Variants in FAM81A observed in about 807,000 individuals in gnomAD.
FAM81A encodes family with sequence similarity 81 member A.
FAM81A carries 19 observed loss-of-function variants against 46.7 expected under a neutral mutation model. The ratio of observed to expected loss-of-function variants is 0.41; its 90% CI spans 0.28 to 0.60. The LOEUF is 0.60. FAM81A is among the 20% of genes least tolerant of loss of function. The pLI, the probability that FAM81A is intolerant of heterozygous loss-of-function variation, is 0.34. For synonymous variants in FAM81A, 183 were observed against 152.9 expected, an observed-to-expected ratio of 1.20 and a Z score of -1.45; for missense variants, 377 against 453.5, an observed-to-expected ratio of 0.83 and a Z score of 1.53.
At chr15:59,471,223 T>C (rs1466264271) in intron 3 of FAM81A, among the ~76,000 whole-genome samples, 1 of 152,236 alleles carries the variant, frequency 6.6e-6, no homozygotes, top group Non-Finnish European at 1.5e-5. Context: ...TATTGAAATA[T>C]CCAACTCTTA....
upstream of FAM81A, among the ~76,000 whole-genome samples, chr15:59,435,211 C>T (rs899117164): frequency 9.2e-5 from 14 of 152,072 alleles, no homozygotes; most frequent in Admixed American, 2.0e-4. Context: ...TGCTTGAACC[C>T]GGGAGGCAGA....
intron 3 of FAM81A, among the ~76,000 whole-genome samples, chr15:59,482,654 G>A (rs559262013): frequency 2.6e-4 from 40 of 152,170 alleles, no homozygotes; most frequent in Non-Finnish European, 3.8e-4. Context: ...ATTTGCATGC[G>A]TAACAAGCCA....
chr15:59,413,452 ACACACACAC>A (rs2141541809), intron 2 of FAM81A, among the ~76,000 whole-genome samples: 1 of 150,772 alleles, frequency 6.6e-6, no homozygotes, highest in African/African-American at 2.5e-5. Context: ...ACACACACAC[ACACACACAC>A]AACCACCCAC....
At chr15:59,498,288 T>A (rs2082055348) in intron 4 of FAM81A, among the ~76,000 whole-genome samples, 2 of 152,246 alleles carry the variant, frequency 1.3e-5, no homozygotes, top group African/African-American at 4.8e-5. Context: ...AGTATTTTAT[T>A]CTTTTTGATG....
chr15:59,404,996 C>T (rs1437880701), intron 2 of FAM81A, among the ~76,000 whole-genome samples: 1 of 152,204 alleles, frequency 6.6e-6, no homozygotes, highest in African/African-American at 2.4e-5. Flanking sequence ...ACAGAGCTGA[C>T]ACCAAACCCA....
chr15:59,466,600 A>G (rs1275343597), intron 3 of FAM81A, among the ~76,000 whole-genome samples: 7 of 151,216 alleles, frequency 4.6e-5, no homozygotes, highest in East Asian at 1.9e-4. Flanking sequence ...TAGATTCTGG[A>G]TGTTAGCCCT....
At chr15:59,452,089 T>A (rs1291680567) in intron 1 of FAM81A, among the ~76,000 whole-genome samples, 1 of 152,208 alleles carries the variant, frequency 6.6e-6, no homozygotes. Context: ...CTTGGATCAT[T>A]TTTGTGGATC....
At chr15:59,400,258 A>G (rs555237844) in intron 1 of FAM81A, among the ~76,000 whole-genome samples, 1 of 147,892 alleles carries the variant, frequency 6.8e-6, no homozygotes, top group Non-Finnish European at 1.5e-5. Flanking sequence ...CGAGAAAGTC[A>G]GGAGTCAGCC....
intron 1 of FAM81A, among the ~76,000 whole-genome samples, chr15:59,440,414 C>T (rs1316496049): frequency 1.3e-5 from 2 of 152,134 alleles, no homozygotes; most frequent in African/African-American, 4.8e-5. Context: ...GTGGGGATCT[C>T]TTCACTTGAT....
At chr15:59,407,797 G>T in intron 2 of FAM81A, 1 of 244,796 alleles carries the variant, frequency 4.1e-6, no homozygotes, top group African/African-American at 2.3e-5. Context: ...TTTCTTCTCA[G>T]TCCAGGCCAG....
At chr15:59,434,789 A>C (rs1316075337), upstream of FAM81A, among the ~76,000 whole-genome samples, 1 of 152,236 alleles carries the variant, frequency 6.6e-6, no homozygotes, top group East Asian at 1.9e-4. Context: ...CTAACTCTTT[A>C]TCCATCTGAA....
intron 2 of FAM81A, among the ~76,000 whole-genome samples, chr15:59,425,445 CT>C (rs1328621174): frequency 6.6e-6 from 1 of 152,154 alleles, no homozygotes; most frequent in Admixed American, 6.5e-5. Flanking sequence ...AAAAAGGCCC[CT>C]GACCTTCTGT....
chr15:59,443,534 G>C (rs1368161284), intron 1 of FAM81A, among the ~76,000 whole-genome samples: 1 of 152,184 alleles, frequency 6.6e-6, no homozygotes, highest in African/African-American at 2.4e-5. Flanking sequence ...GAAGGGTGCA[G>C]GTCAGTTATG....
chr15:59,496,459 G>T (rs559143652), intron 4 of FAM81A, among the ~76,000 whole-genome samples: 96 of 152,266 alleles, frequency 6.3e-4, no homozygotes, highest in African/African-American at 2.3e-3. Flanking sequence ...ACAAAAATTT[G>T]CCAGGTGTGG....
chr15:59,499,455 A>T (rs1258560657), intron 4 of FAM81A, among the ~76,000 whole-genome samples: 1 of 152,166 alleles, frequency 6.6e-6, no homozygotes, highest in Non-Finnish European at 1.5e-5. Flanking sequence ...GAAAATATTC[A>T]TTTATATTGC....
intron 1 of FAM81A, among the ~76,000 whole-genome samples, chr15:59,448,537 A>T (rs964333119): frequency 6.6e-6 from 1 of 152,084 alleles, no homozygotes; most frequent in Non-Finnish European, 1.5e-5. Context: ...AGATAGATAG[A>T]TAGGTAGATA....
chr15:59,474,210 C>G (rs2081736637), intron 3 of FAM81A, among the ~76,000 whole-genome samples: 1 of 152,202 alleles, frequency 6.6e-6, no homozygotes, highest in African/African-American at 2.4e-5. Context: ...TCTTCCTCAT[C>G]TTTGCATTGT....
At chr15:59,401,072 T>G (rs2081068038) in intron 1 of FAM81A, 2 of 513,980 alleles carry the variant, frequency 3.9e-6, no homozygotes, top group Non-Finnish European at 7.1e-6. Flanking sequence ...TGATTTTGTA[T>G]TTTTTTTCCA....
At chr15:59,501,918 A>G (rs1490289367) in intron 4 of FAM81A, among the ~76,000 whole-genome samples, 3 of 152,056 alleles carry the variant, frequency 2.0e-5, no homozygotes, top group African/African-American at 2.4e-5. Flanking sequence ...GCTGTCTTTT[A>G]TGAGTTTTTT....
Sources: gnomAD v4.1 joint callset for allele counts (sites outside exome capture counted in the v4.1 genomes callset) on GRCh38, gnomAD v4.1.1 for gene constraint, MANE v1.5 for transcripts, NCBI Gene and HGNC (gene_info 2026-07-23, HGNC 2026-07-21) for gene names.